Variants in SBF2 observed in about 807,000 individuals in gnomAD.
The protein encoded by SBF2 is myotubularin-related protein 13.
A neutral mutation model predicts 225.2 loss-of-function variants in SBF2; 112 were observed. The ratio of observed to expected loss-of-function variants is 0.50; its 90% CI spans 0.43 to 0.58. The LOEUF is 0.58. SBF2 is among the 20% of genes least tolerant of loss of function. The probability of loss-of-function intolerance (pLI) is 0.00; values close to 1 mark genes in which losing one functional copy is unlikely to be tolerated. For missense variants in SBF2, 1,996 were observed against 2,206.2 expected (o/e 0.90, Z 1.91); for synonymous variants, 763 against 773.3 (o/e 0.99, Z 0.22).
At chr11:10,183,306 C>T (rs1956809137) in intron 2 of SBF2, among the ~76,000 whole-genome samples, 1 of 152,172 alleles carries the variant, frequency 6.6e-6, no homozygotes, top group Admixed American at 6.5e-5. Flanking sequence ...ATAGTAAAAA[C>T]TAGAAGGCCC....
At chr11:10,130,781 A>G (rs1954004668) in intron 2 of SBF2, among the ~76,000 whole-genome samples, 1 of 152,168 alleles carries the variant, frequency 6.6e-6, no homozygotes, top group Admixed American at 6.5e-5. Flanking sequence ...TATAAATTGA[A>G]TCGTACAGTA....
At chr11:10,154,920 A>T (rs1160123325) in intron 2 of SBF2, among the ~76,000 whole-genome samples, 1 of 152,172 alleles carries the variant, frequency 6.6e-6, no homozygotes, top group East Asian at 1.9e-4. Flanking sequence ...CTATTTTGAC[A>T]AACTAAATTC....
intron 2 of SBF2, among the ~76,000 whole-genome samples, chr11:10,077,292 G>T (rs898226639): frequency 2.6e-5 from 4 of 151,996 alleles, no homozygotes; most frequent in Admixed American, 1.3e-4. Flanking sequence ...CACAGAATTG[G>T]AAAAAACTAC....
At position 9,780,961 on chromosome 11, in the gene SBF2, AGGAAAAC is replaced by A. The variant is rs1851965702; in HGVS notation, c.5452-452_5452-446del. 1.3e-5 allele frequency: 4 copies of A among 297,132 alleles called. No homozygotes were observed. The South Asian group carries it at 1.4e-4, about 10-fold the overall frequency. 18.4% of individuals were successfully genotyped at this position (297,132 alleles called of 1,614,324 possible). A position where few individuals can be genotyped will look rare whatever the true frequency, so the allele number is the denominator to read the frequency against. On this transcript the variant is annotated intron_variant, in intron 39 of 39. Transcript: ENST00000256190. The stretch of plus-strand genomic sequence containing the variant: ...GGAGCCATATTGGAAGCCCACTGTC[AGGAAAAC>A]GGTCTCATGGCCTGAGCAGGGCCAT...
At chr11:10,133,460 A>G (rs1289215761) in intron 2 of SBF2, among the ~76,000 whole-genome samples, 1 of 146,296 alleles carries the variant, frequency 6.8e-6, no homozygotes, top group South Asian at 2.2e-4. Flanking sequence ...GTGGGAGGGC[A>G]GCCAAGGCCC....
intron 16 of SBF2, among the ~76,000 whole-genome samples, chr11:9,903,495 A>G (rs1030124748): frequency 6.6e-6 from 1 of 152,202 alleles, no homozygotes; most frequent in Non-Finnish European, 1.5e-5. Flanking sequence ...AGCAAGCTCA[A>G]TTCTTGCCTC....
intron 2 of SBF2, among the ~76,000 whole-genome samples, chr11:10,081,934 C>CA (rs1403897027): frequency 1.3e-5 from 2 of 151,508 alleles, no homozygotes; most frequent in East Asian, 3.9e-4. Flanking sequence ...AAAGGATCAA[C>CA]AAAAAATTAA....
chr11:9,790,763 T>C (rs1200921102), intron 33 of SBF2, 80 bp from the exon 34 acceptor site: 2 of 1,108,156 alleles, frequency 1.8e-6, no homozygotes, highest in East Asian at 2.4e-5. Flanking sequence ...ATGCAGCAGA[T>C]AAAAAAGTGG....
At chr11:10,016,218 G>A (rs1440747258) in intron 6 of SBF2, among the ~76,000 whole-genome samples, 1 of 152,138 alleles carries the variant, frequency 6.6e-6, no homozygotes, top group Non-Finnish European at 1.5e-5. Context: ...GCCTGCAGTT[G>A]TAAGGAACTT....
At chr11:9,860,518 A>G (rs1033386958) in intron 17 of SBF2, among the ~76,000 whole-genome samples, 1 of 151,782 alleles carries the variant, frequency 6.6e-6, no homozygotes, top group African/African-American at 2.4e-5. Context: ...TTTTGTAGAG[A>G]TGGGGTTTCA....
In SBF2 at chr11:9,879,647, G is replaced by A. The variant is rs114056729; in HGVS notation, c.1929+16296C>T. On this transcript the variant is annotated intron_variant, in intron 17 of 39. Coordinates refer to ENST00000256190, the MANE Select transcript of SBF2 (RefSeq NM_030962.4). ...CAATTTATAGTTGAATTCATGTCCT[G>A]TCTTTCATTCAACAAATATTCGCTG... 4.4e-3 allele frequency among the ~76,000 whole-genome samples: 670 copies of A among 152,288 alleles called. 5 individuals carry two copies. Among genetic ancestry groups the A allele is most frequent in the African/African-American group, 0.015 (636 of 41,562 alleles).
At chr11:10,152,953 T>C (rs1351508448) in intron 2 of SBF2, among the ~76,000 whole-genome samples, 2 of 152,192 alleles carry the variant, frequency 1.3e-5, no homozygotes, top group African/African-American at 4.8e-5. Context: ...AAAACATGGC[T>C]GAAATACAGA....
At chr11:10,290,805 T>C (rs901033159) in intron 1 of SBF2, among the ~76,000 whole-genome samples, 1 of 152,292 alleles carries the variant, frequency 6.6e-6, no homozygotes, top group East Asian at 1.9e-4. Flanking sequence ...TAAATGCATA[T>C]GTATGTTTAT....
intron 6 of SBF2, among the ~76,000 whole-genome samples, chr11:10,015,895 C>T (rs188913586): frequency 1.9e-4 from 29 of 152,164 alleles, no homozygotes; most frequent in Admixed American, 1.0e-3. Context: ...CTCTGCCTCC[C>T]GGGTTCAGCA....
At chr11:9,995,034 C>CT (rs1947629955) in intron 9 of SBF2, among the ~76,000 whole-genome samples, 1 of 84,040 alleles carries the variant, frequency 1.2e-5, no homozygotes, top group Admixed American at 1.5e-4. Context: ...TAACAAGACT[C>CT]TGTCTCAAAA....
intron 2 of SBF2, among the ~76,000 whole-genome samples, chr11:10,141,160 T>C (rs530400279): frequency 2.6e-5 from 4 of 152,262 alleles, no homozygotes; most frequent in South Asian, 2.1e-4. Context: ...ATAGAACCCA[T>C]GTAATAGCTA....
At chr11:10,297,974 A>G (rs1964563506), upstream of SBF2, among the ~76,000 whole-genome samples, 1 of 152,238 alleles carries the variant, frequency 6.6e-6, no homozygotes, top group Non-Finnish European at 1.5e-5. Flanking sequence ...CTTTCACCAA[A>G]GAGAGAGAGA....
intron 6 of SBF2, among the ~76,000 whole-genome samples, chr11:10,003,575 A>G (rs759109505): frequency 1.3e-5 from 2 of 151,928 alleles, no homozygotes; most frequent in African/African-American, 2.4e-5. Context: ...CACCGTGTTA[A>G]GCAGGATGGT....
At chr11:9,961,374 C>T (rs956770134) in intron 16 of SBF2, 2 of 152,188 alleles carry the variant, frequency 1.3e-5, no homozygotes, top group African/African-American at 4.8e-5. Context: ...TACCTCTCAA[C>T]AGAATGCCAA....
Sources: gnomAD v4.1 joint callset for allele counts (sites outside exome capture counted in the v4.1 genomes callset) on GRCh38, gnomAD v4.1.1 for gene constraint, MANE v1.5 for transcripts, NCBI Gene and HGNC (gene_info 2026-07-23, HGNC 2026-07-21) for gene names.